RIMS1: variants seen among roughly 807,000 people sequenced by gnomAD.
RIMS1 encodes regulating synaptic membrane exocytosis protein 1.
In RIMS1, 83 loss-of-function variants were observed where a neutral mutation model predicts 214.1. The ratio of observed to expected loss-of-function variants is 0.39; its 90% CI spans 0.32 to 0.47. The LOEUF (loss-of-function observed/expected upper bound fraction) is 0.47, where lower values mean the gene tolerates loss of function less well. Ranked by LOEUF, RIMS1 falls within the 20% of genes least tolerant of loss-of-function variation. The pLI, the probability that RIMS1 is intolerant of heterozygous loss-of-function variation, is 0.99. For synonymous variants in RIMS1, 793 were observed against 786.8 expected (o/e 1.01, Z -0.13); for missense variants, 2,050 against 2,161.8 (o/e 0.95, Z 1.03).
In RIMS1 at chr6:72,265,384, G is replaced by C. The variant is rs780659689; in HGVS notation, c.3195-6G>C. 2 of 1,458,002 alleles carry C rather than the reference G, an allele frequency of 1.4e-6. No individual in the cohort carries two copies. 90.3% of individuals were successfully genotyped at this position (1,458,002 alleles called of 1,614,324 possible). A position where few individuals can be genotyped will look rare whatever the true frequency, so the allele number is the denominator to read the frequency against. ...TTTTATTTTTGTGTAATTTTAATTT[G>C]TGGAGCTCAATTCTGCCTGCACATA... On this transcript the variant is annotated splice_region_variant and splice_polypyrimidine_tract_variant and intron_variant, in intron 20 of 33. Coordinates refer to ENST00000521978, the MANE Select transcript of RIMS1 (RefSeq NM_014989.7).
chr6:72,066,393 C>G (rs1586141596), intron 2 of RIMS1, among the ~76,000 whole-genome samples: 1 of 152,098 alleles, frequency 6.6e-6, no homozygotes, highest in Non-Finnish European at 1.5e-5. Context: ...ATAATAAATG[C>G]TATTATTGAA....
At chr6:72,290,904 G>A (rs376759342) in intron 25 of RIMS1, 43 bp downstream of exon 25, 84 of 1,586,830 alleles carry the variant, frequency 5.3e-5, no homozygotes, top group Non-Finnish European at 6.4e-5. Context: ...TCCTGCCTCC[G>A]GGTGTTGGTG....
intron 4 of RIMS1, among the ~76,000 whole-genome samples, chr6:72,108,090 C>G (rs1030944686): frequency 2.6e-5 from 4 of 152,112 alleles, no homozygotes; most frequent in Non-Finnish European, 5.9e-5. Flanking sequence ...ATGATCAGGG[C>G]TCACTGCAGC....
chr6:71,903,444 C>A (rs1012886886), intron 1 of RIMS1, among the ~76,000 whole-genome samples: 3 of 152,014 alleles, frequency 2.0e-5, no homozygotes, highest in African/African-American at 7.3e-5. Context: ...CAGGCATAGG[C>A]AAAGATTTCA....
rs575748980 is a variant in RIMS1 at position 72,179,928 on chromosome 6, T to A, written c.812+13T>A. 6.3e-5 allele frequency: 90 copies of A among 1,426,336 alleles called. No homozygotes were observed. In the South Asian group the frequency reaches 1.6e-3, roughly 25 times the overall value. 88.4% of individuals were successfully genotyped at this position (1,426,336 alleles called of 1,614,324 possible). On this transcript the variant is annotated intron_variant, in intron 5 of 33. Coordinates refer to ENST00000521978, the MANE Select transcript of RIMS1 (RefSeq NM_014989.7). ...CTCCTAGAGAGAGGTAATAGTTCTT[T>A]CACCCTGTAAGCAAAAGGCAAGATT...
chr6:72,196,370 TC>T (rs1260886984), intron 6 of RIMS1, among the ~76,000 whole-genome samples: 23 of 125,426 alleles, frequency 1.8e-4, no homozygotes, highest in African/African-American at 5.8e-4. Context: ...TGTCTGTCTG[TC>T]TGTCTGTCTA....
At chr6:72,045,452 A>T (rs1415613320) in intron 2 of RIMS1, among the ~76,000 whole-genome samples, 1 of 152,138 alleles carries the variant, frequency 6.6e-6, no homozygotes, top group African/African-American at 2.4e-5. Context: ...AGACTGGGAA[A>T]TCCATAGTAT....
chr6:72,021,085 T>C (rs1006653620), intron 2 of RIMS1, among the ~76,000 whole-genome samples: 4 of 152,224 alleles, frequency 2.6e-5, no homozygotes, highest in African/African-American at 9.6e-5. Context: ...CATAAGAACA[T>C]GCCCATAGAT....
At position 72,142,528 on chromosome 6, in the gene RIMS1, C is replaced by A. The variant is rs1359804840; in HGVS notation, c.472-37047C>A. Among the ~76,000 whole-genome samples the A allele has an allele frequency of 4.6e-5, 7 of 151,940 alleles. No individual in the cohort carries two copies. The East Asian group carries it at 1.4e-3, about 29-fold the overall frequency. ...TATTTTCAAAATCTATCAGAGCTAC[C>A]CCAGATCATCAATAAAAGATAGCTC... On this transcript the variant is annotated intron_variant, in intron 4 of 33. Coordinates refer to ENST00000521978, the MANE Select transcript of RIMS1 (RefSeq NM_014989.7).
At chr6:72,022,613 G>A (rs551286584) in intron 2 of RIMS1, among the ~76,000 whole-genome samples, 1 of 152,152 alleles carries the variant, frequency 6.6e-6, no homozygotes, top group Non-Finnish European at 1.5e-5. Context: ...TTTACATTAT[G>A]CAGAAAACCT....
intron 10 of RIMS1, 88 bp downstream of exon 10, chr6:72,242,525 CAT>C: frequency 1.1e-6 from 1 of 878,116 alleles, no homozygotes; most frequent in Non-Finnish European, 1.7e-6. Context: ...TCATACAGTA[CAT>C]GTTAACATGG....
intron 2 of RIMS1, among the ~76,000 whole-genome samples, chr6:72,033,568 G>A (rs1301270835): frequency 6.7e-6 from 1 of 150,032 alleles, no homozygotes; most frequent in Non-Finnish European, 1.5e-5. Context: ...TGCTACCTCC[G>A]CCTCCCAGGT....
intron 2 of RIMS1, among the ~76,000 whole-genome samples, chr6:72,058,863 A>T (rs1039846598): frequency 3.9e-5 from 6 of 152,242 alleles, no homozygotes; most frequent in Non-Finnish European, 7.3e-5. Context: ...GAAAATATTT[A>T]TTAAAGTAGT....
rs546385539 is a variant in RIMS1 at position 72,395,812 on chromosome 6, T to G, written c.4619-2437T>G. ...GGTAATGATATCCCAATTACACTGA[T>G]TTGATCATAACAAAGTATATGAATG... On this transcript the variant is annotated intron_variant, in intron 31 of 33. Coordinates refer to ENST00000521978, the MANE Select transcript of RIMS1 (RefSeq NM_014989.7). 2.9e-3 allele frequency among the ~76,000 whole-genome samples: 438 copies of G among 152,088 alleles called. 3 individuals carry two copies. Among genetic ancestry groups the G allele is most frequent in the African/African-American group, 0.01 (416 of 41,534 alleles).
intron 2 of RIMS1, among the ~76,000 whole-genome samples, chr6:72,067,492 C>T (rs1413388830): frequency 6.6e-6 from 1 of 152,140 alleles, no homozygotes; most frequent in East Asian, 1.9e-4. Context: ...AGGGGCTGGT[C>T]AGGACTTTTT....
intron 2 of RIMS1, among the ~76,000 whole-genome samples, chr6:72,069,790 T>C (rs1247464107): frequency 6.6e-6 from 1 of 152,220 alleles, no homozygotes; most frequent in African/African-American, 2.4e-5. Flanking sequence ...GAAAAGTTCA[T>C]CTTAGATCAT....
chr6:72,070,051 T>A (rs1012956409), intron 2 of RIMS1, among the ~76,000 whole-genome samples: 5 of 152,218 alleles, frequency 3.3e-5, no homozygotes, highest in Admixed American at 3.3e-4. Flanking sequence ...TCCCAATTTT[T>A]CCTTTAATAC....
intron 29 of RIMS1, among the ~76,000 whole-genome samples, chr6:72,341,357 G>T (rs1381789781): frequency 6.6e-6 from 1 of 151,712 alleles, no homozygotes; most frequent in African/African-American, 2.4e-5. Context: ...AAAGAAATCT[G>T]TGTGGAATCT....
At chr6:72,088,032 G>T (rs1835118428) in intron 2 of RIMS1, among the ~76,000 whole-genome samples, 1 of 151,974 alleles carries the variant, frequency 6.6e-6, no homozygotes, top group Non-Finnish European at 1.5e-5. Flanking sequence ...ACAAATTGAT[G>T]TATGTGGTCT....
Sources: allele counts gnomAD v4.1 joint callset (sites outside exome capture counted in the v4.1 genomes callset), GRCh38; gene constraint gnomAD v4.1.1; transcripts MANE v1.5; gene names NCBI Gene and HGNC (gene_info 2026-07-23, HGNC 2026-07-21).